Variants in MRPL48 observed in about 807,000 individuals in gnomAD.
MRPL48 encodes large ribosomal subunit protein mL48.
Under a neutral mutation model 32.9 loss-of-function variants are expected in MRPL48, and 16 were observed. The ratio of observed to expected loss-of-function variants is 0.49; its 90% confidence interval spans 0.33 to 0.74. MRPL48 has a LOEUF of 0.74. MRPL48 is among the 30% of genes least tolerant of loss of function. The probability of loss-of-function intolerance (pLI) is 0.02; values close to 1 mark genes in which losing one functional copy is unlikely to be tolerated. For synonymous variants in MRPL48, 94 were observed against 89.2 expected (o/e 1.05, Z -0.31); for missense variants, 206 against 245.3 (o/e 0.84, Z 1.07).
intron 5 of MRPL48, among the ~76,000 whole-genome samples, chr11:73,852,140 G>A (rs977391565): frequency 2.0e-5 from 3 of 152,092 alleles, no homozygotes; most frequent in African/African-American, 7.2e-5. Context: ...TCCTTCATTA[G>A]GAGAGTCTTG....
In MRPL48 at chr11:73,852,329, C is replaced by T. The variant is rs1407043043; in HGVS notation, c.371+7353C>T. On this transcript the variant is annotated intron_variant, in intron 5 of 7. Coordinates refer to ENST00000310614, the MANE Select transcript of MRPL48 (RefSeq NM_016055.6). The stretch of plus-strand genomic sequence containing the variant: ...CCCACAGAATGGGAGAAAATATTTG[C>T]AAGCTATCTAGCTGACAAGGGATTA... 7.7e-5 allele frequency among the ~76,000 whole-genome samples: 10 copies of T among 130,202 alleles called. No homozygotes were observed. The Admixed American group carries it at 8.9e-4, about 12-fold the overall frequency. The allele number at this position is 130,202 out of a possible 152,430, so 85.4% of individuals were successfully genotyped here.
chr11:73,828,944 G>A (rs1224092943), intron 4 of MRPL48, among the ~76,000 whole-genome samples: 2 of 152,058 alleles, frequency 1.3e-5, no homozygotes, highest in Admixed American at 1.3e-4. Flanking sequence ...AAAATAGTGG[G>A]AAATAAAATT....
At chr11:73,821,979 C>A (rs577994897) in intron 3 of MRPL48, among the ~76,000 whole-genome samples, 22 of 152,126 alleles carry the variant, frequency 1.4e-4, no homozygotes, top group African/African-American at 1.9e-4. Flanking sequence ...ATAATAAAAT[C>A]TTCGATGAGG....
At chr11:73,830,238 AT>A (rs1238411294) in intron 4 of MRPL48, among the ~76,000 whole-genome samples, 1 of 152,198 alleles carries the variant, frequency 6.6e-6, no homozygotes, top group Non-Finnish European at 1.5e-5. Context: ...CTGTGGTTTT[AT>A]AAATCAGATT....
At chr11:73,852,119 A>G (rs1329751837) in intron 5 of MRPL48, among the ~76,000 whole-genome samples, 3 of 152,206 alleles carry the variant, frequency 2.0e-5, no homozygotes, top group African/African-American at 7.2e-5. Flanking sequence ...AATGTACATT[A>G]ATACTTGGTT....
At chr11:73,812,690 G>A (rs1742335531) in intron 3 of MRPL48, among the ~76,000 whole-genome samples, 2 of 149,334 alleles carry the variant, frequency 1.3e-5, no homozygotes. Context: ...ACTCTAGCCT[G>A]GGCGACAGAG....
chr11:73,806,563 T>C (rs1947457764), intron 2 of MRPL48, among the ~76,000 whole-genome samples: 1 of 152,194 alleles, frequency 6.6e-6, no homozygotes, highest in Admixed American at 6.6e-5. Context: ...TATATAAAAA[T>C]GTTTAACTGT....
intron 2 of MRPL48, among the ~76,000 whole-genome samples, chr11:73,807,078 C>T (rs1301154593): frequency 1.3e-5 from 2 of 152,050 alleles, no homozygotes; most frequent in African/African-American, 4.8e-5. Flanking sequence ...CCATGTTGAC[C>T]TGGCTAGTTT....
intron 4 of MRPL48, among the ~76,000 whole-genome samples, chr11:73,826,782 T>C (rs576587254): frequency 6.7e-6 from 1 of 149,942 alleles, no homozygotes; most frequent in African/African-American, 2.4e-5. Flanking sequence ...TTCTTTTTTT[T>C]TTTTTTTTTT....
intron 3 of MRPL48, among the ~76,000 whole-genome samples, chr11:73,820,878 G>A (rs1947768569): frequency 6.6e-6 from 1 of 152,118 alleles, no homozygotes; most frequent in Admixed American, 6.5e-5. Context: ...TCTGGTTTCA[G>A]TTAAAATCTC....
At chr11:73,808,249 G>A in intron 2 of MRPL48, 64 bp from the exon 3 acceptor site, 1 of 1,468,368 alleles carries the variant, frequency 6.8e-7, no homozygotes, top group Non-Finnish European at 9.3e-7. Flanking sequence ...TATAAATTTT[G>A]CAAACTATGC....
chr11:73,859,223 T>G (rs1382241471), intron 5 of MRPL48, among the ~76,000 whole-genome samples: 5 of 152,216 alleles, frequency 3.3e-5, no homozygotes, highest in South Asian at 2.1e-4. Context: ...ATACCCAAGG[T>G]TAGCCTCCAA....
At chr11:73,825,866 T>C in intron 4 of MRPL48, 70 bp downstream of exon 4, 8 of 1,275,350 alleles carry the variant, frequency 6.3e-6, no homozygotes, top group South Asian at 4.1e-5. Flanking sequence ...AGATCAGATA[T>C]GTATAGTTTT....
intron 4 of MRPL48, among the ~76,000 whole-genome samples, chr11:73,841,483 C>T (rs1382130482): frequency 6.6e-6 from 1 of 152,218 alleles, no homozygotes; most frequent in Non-Finnish European, 1.5e-5. Context: ...TGCCATTCCA[C>T]ATAATGCCTG....
intron 3 of MRPL48, among the ~76,000 whole-genome samples, chr11:73,812,742 T>TATATATATA (rs1379687569): frequency 9.7e-6 from 1 of 103,078 alleles, no homozygotes; most frequent in African/African-American, 4.6e-5. Context: ...ATATATATAT[T>TATATATATA]TATTTATTTA....
chr11:73,796,394 C>T (rs1642352673), intron 1 of MRPL48, among the ~76,000 whole-genome samples: 1 of 152,254 alleles, frequency 6.6e-6, no homozygotes, highest in Non-Finnish European at 1.5e-5. Context: ...GGTACTGTCG[C>T]AGCCTGGCCA....
chr11:73,826,840 G>A (rs546224578), intron 4 of MRPL48, among the ~76,000 whole-genome samples: 2 of 149,292 alleles, frequency 1.3e-5, no homozygotes, highest in Non-Finnish European at 3.0e-5. Flanking sequence ...GCAATGGTGC[G>A]ATCTCGGCTC....
In MRPL48 at chr11:73,864,605, A is replaced by G. The variant is rs139621847; in HGVS notation, c.*235A>G. On this transcript the variant is annotated 3_prime_UTR_variant, in exon 8 of 8. Coordinates refer to ENST00000310614, the MANE Select transcript of MRPL48 (RefSeq NM_016055.6). The stretch of plus-strand genomic sequence containing the variant: ...TAATAAAAATCTGCTGCAGATGTGT[A>G]TATGTATGTGTGTGTGAGAGAGAGA... The G allele has an allele frequency of 1.4e-4, 79 of 556,838 alleles. No homozygotes were observed. In the East Asian group the frequency reaches 2.2e-3, roughly 15 times the overall value. The allele number at this position is 556,838 out of a possible 1,614,324, so 34.5% of individuals were successfully genotyped here. A position where few individuals can be genotyped will look rare whatever the true frequency, so the allele number is the denominator to read the frequency against.
At position 73,855,159 on chromosome 11, in the gene MRPL48, G is replaced by C. The variant is rs150123755; in HGVS notation, c.372-4748G>C. Among the ~76,000 whole-genome samples the C allele has an allele frequency of 2.8e-4, 42 of 152,066 alleles. No individual in the cohort carries two copies. In the East Asian group the frequency reaches 7.5e-3, roughly 27 times the overall value. ...CTACACCTAATAAGTGGCAAGTTCT[G>C]GAGTTAAACCTACTTTTTTTCCTAA... On this transcript the variant is annotated intron_variant, in intron 5 of 7. Coordinates refer to ENST00000310614, the MANE Select transcript of MRPL48 (RefSeq NM_016055.6).
Sources: gnomAD v4.1 joint callset for allele counts (sites outside exome capture counted in the v4.1 genomes callset) on GRCh38, gnomAD v4.1.1 for gene constraint, MANE v1.5 for transcripts, NCBI Gene and HGNC (gene_info 2026-07-23, HGNC 2026-07-21) for gene names.